Variants in TRAPPC8 observed in about 807,000 individuals in gnomAD.
The protein encoded by TRAPPC8 is general sporulation gene 1 homolog.
Under a neutral mutation model 174.3 loss-of-function variants are expected in TRAPPC8, and 54 were observed. That is an observed-to-expected ratio of 0.31 (90% CI 0.25 to 0.39). The LOEUF (loss-of-function observed/expected upper bound fraction) is 0.39. Among genes scored for constraint, TRAPPC8 ranks in the 10% least tolerant of loss-of-function variants. The probability of loss-of-function intolerance (pLI) is 1.00; values close to 1 mark genes in which losing one functional copy is unlikely to be tolerated. For missense variants in TRAPPC8, 1,531 were observed against 1,699.1 expected, an observed-to-expected ratio of 0.90 and a Z score of 1.74; for synonymous variants, 630 against 579.9, an observed-to-expected ratio of 1.09 and a Z score of -1.24.
intron 27 of TRAPPC8, among the ~76,000 whole-genome samples, chr18:31,837,791 G>A (rs939163144): frequency 8.6e-5 from 13 of 151,828 alleles, no homozygotes; most frequent in Non-Finnish European, 1.6e-4. Context: ...CTGGTATATC[G>A]AAACATACTC....
chr18:31,942,843 C>G lies in TRAPPC8; in HGVS notation c.-79G>C, dbSNP rs960484580. 5.6e-6 allele frequency: 7 copies of G among 1,261,132 alleles called. No homozygotes were observed. Among genetic ancestry groups the G allele is most frequent in the Non-Finnish European group, 7.0e-6 (7 of 1,001,484 alleles). 78.1% of individuals were successfully genotyped at this position (1,261,132 alleles called of 1,614,324 possible). ...ATCCTGCGGCTGCAGCAGCTACCGC[C>G]GCCGCCCGCCGGCCTGGCCCGGCCG... is the stretch of plus-strand genomic sequence containing the variant. On this transcript the variant is annotated 5_prime_UTR_variant, in exon 1 of 29. Transcript: ENST00000283351.
rs1364986964 is a variant in TRAPPC8 at position 31,830,138 on chromosome 18, G to C, written c.*617C>G. On this transcript the variant is annotated 3_prime_UTR_variant, in exon 29 of 29. Coordinates refer to ENST00000283351, the MANE Select transcript of TRAPPC8 (RefSeq NM_014939.5). ...GAAATAGCGCACTCTATACTGAGAT[G>C]AATGAGGGGAAAAAAGTCAAAACTC... 1.3e-5 allele frequency: 2 copies of C among 152,592 alleles called. No individual in the cohort carries two copies. The highest frequency in any genetic ancestry group is 4.8e-5 in the African/African-American group (2 of 41,430). The allele number at this position is 152,592 out of a possible 1,614,324, so 9.5% of individuals were successfully genotyped here. A position where few individuals can be genotyped will look rare whatever the true frequency, so the allele number is the denominator to read the frequency against.
intron 5 of TRAPPC8, among the ~76,000 whole-genome samples, chr18:31,911,073 G>A (rs902132388): frequency 1.3e-5 from 2 of 152,048 alleles, no homozygotes; most frequent in Non-Finnish European, 2.9e-5. Context: ...CCATTTATGA[G>A]ACAGAAAAAT....
At position 31,916,260 on chromosome 18, in the gene TRAPPC8, A is replaced by G; in HGVS notation, c.617+12T>C. 6.9e-7 allele frequency: 1 copy of G among 1,450,258 alleles called. No homozygotes were observed. Among genetic ancestry groups the G allele is most frequent in the East Asian group, 2.6e-5 (1 of 38,604 alleles). 89.8% of individuals were successfully genotyped at this position (1,450,258 alleles called of 1,614,324 possible). A position where few individuals can be genotyped will look rare whatever the true frequency, so the allele number is the denominator to read the frequency against. ...TAACTGGAAAAAATTTAAAACTAAAATAAAAACTTACCTCTGTTCATCTCC... is the reference window on the plus strand; with the variant it reads ...TAACTGGAAAAAATTTAAAACTAAAGTAAAAACTTACCTCTGTTCATCTCC... On this transcript the variant is annotated intron_variant, in intron 4 of 28. Coordinates refer to ENST00000283351, the MANE Select transcript of TRAPPC8 (RefSeq NM_014939.5).
In TRAPPC8 at chr18:31,844,244, A is replaced by C. The variant is rs567874340; in HGVS notation, c.3837+2472T>G. ...CACAAACACAGAAGTTGAATAAAAGAAGCCGAGGTATATATTGTATGACTA... is the reference window on the plus strand; with the variant it reads ...CACAAACACAGAAGTTGAATAAAAGCAGCCGAGGTATATATTGTATGACTA... On this transcript the variant is annotated intron_variant, in intron 26 of 28. Coordinates refer to ENST00000283351, the MANE Select transcript of TRAPPC8 (RefSeq NM_014939.5). The C allele has an allele frequency of 1.0e-3, 156 of 152,348 alleles. 1 individual carries two copies. The highest frequency in any genetic ancestry group is 3.7e-3 in the African/African-American group (152 of 41,588). 9.4% of individuals were successfully genotyped at this position (152,348 alleles called of 1,614,324 possible). A position where few individuals can be genotyped will look rare whatever the true frequency, so the allele number is the denominator to read the frequency against.
rs1243643164 is a variant in TRAPPC8, at chr18:31,864,638, G to T, written c.2734C>A (p.Pro912Thr). ...AAAAAGTGAAATACCTCCAACAGTG[G>T]CATTTCTTCTGTGATTATGGGATCT... The part of the protein sequence containing the change: ...RLDPIITEEM[P>T]LLEVFFIHFP... The change falls in exon 19 of 29, where the codon CCA (proline) becomes ACA (threonine). Residue 912 changes from proline to threonine, a missense_variant. By Grantham distance (38) the Pro-to-Thr change is conservative. Coordinates refer to ENST00000283351, the MANE Select transcript of TRAPPC8 (RefSeq NM_014939.5). 3 of 1,611,178 alleles carry T rather than the reference G, an allele frequency of 1.9e-6. No homozygotes were observed. The highest frequency in any genetic ancestry group is 2.5e-6 in the Non-Finnish European group (3 of 1,178,992).
At chr18:31,913,903 T>C (rs1190929326) in intron 4 of TRAPPC8, among the ~76,000 whole-genome samples, 1 of 151,886 alleles carries the variant, frequency 6.6e-6, no homozygotes, top group East Asian at 1.9e-4. Flanking sequence ...CTCAGCGTGG[T>C]GGCCATAATC....
intron 27 of TRAPPC8, chr18:31,832,569 T>C (rs993368511): frequency 1.3e-5 from 2 of 152,212 alleles, no homozygotes; most frequent in Non-Finnish European, 2.9e-5. Flanking sequence ...ATTACTTAAT[T>C]TTGAGAACTT....
intron 26 of TRAPPC8, 28 bp from the exon 27 acceptor site, chr18:31,839,485 C>T (rs1306588190): frequency 6.6e-7 from 1 of 1,517,812 alleles, no homozygotes; most frequent in Non-Finnish European, 8.8e-7. Context: ...AAACATATGA[C>T]AATAAAAACA....
rs920627341 is a variant in TRAPPC8, at chr18:31,843,457, T to C, written c.3837+3259A>G. 2.0e-5 allele frequency among the ~76,000 whole-genome samples: 3 copies of C among 152,232 alleles called. No individual in the cohort carries two copies. In the South Asian group the frequency reaches 6.2e-4, roughly 32 times the overall value. On this transcript the variant is annotated intron_variant, in intron 26 of 28. Coordinates refer to ENST00000283351, the MANE Select transcript of TRAPPC8 (RefSeq NM_014939.5). ...ATAATTTTGTGCACAGCATTCCCTA[T>C]ATTTATTCTTTATAAGGCAGAACAA...
At chr18:31,910,542 C>T (rs1254191258) in intron 5 of TRAPPC8, among the ~76,000 whole-genome samples, 2 of 152,226 alleles carry the variant, frequency 1.3e-5, no homozygotes, top group African/African-American at 4.8e-5. Flanking sequence ...AACATAGTCA[C>T]TCCCAAAGGA....
chr18:31,888,229 A>G (rs2035806314), intron 12 of TRAPPC8, among the ~76,000 whole-genome samples: 1 of 152,188 alleles, frequency 6.6e-6, no homozygotes, highest in East Asian at 1.9e-4. Flanking sequence ...TGGCAGTCAG[A>G]ATGGTGATTA....
In TRAPPC8 at chr18:31,852,453, T is replaced by C. The variant is rs2033761715; in HGVS notation, c.3554A>G (p.Asn1185Ser). The change falls in exon 24 of 29, where the codon AAT (asparagine) becomes AGT (serine). Residue 1185 changes from asparagine to serine, a missense_variant. Asn to Ser is a conservative substitution (Grantham distance 46). Coordinates refer to ENST00000283351, the MANE Select transcript of TRAPPC8 (RefSeq NM_014939.5). ...KYTFADIIFG[N>S]EQIISSASPC... is the part of the protein sequence containing the mutation. ...CTATGCTTACTTGCATACCTGTTCA[T>C]TTCCAAAGATGATATCTGCAAAGGT... is the stretch of plus-strand genomic sequence containing the variant. 3.1e-6 allele frequency: 5 copies of C among 1,614,018 alleles called. No individual in the cohort carries two copies. The highest frequency in any genetic ancestry group is 1.7e-5 in the Admixed American group (1 of 60,000).
chr18:31,929,815 A>G (rs950812644), intron 2 of TRAPPC8, among the ~76,000 whole-genome samples: 2 of 152,218 alleles, frequency 1.3e-5, no homozygotes, highest in Non-Finnish European at 2.9e-5. Flanking sequence ...GAGAAAAATA[A>G]CAGTTCAAAT....
chr18:31,857,952 G>T lies in TRAPPC8; in HGVS notation c.2776C>A (p.Leu926Ile). 6.2e-7 allele frequency: 1 copy of T among 1,612,774 alleles called. No homozygotes were observed. The highest frequency in any genetic ancestry group is 2.2e-5 in the East Asian group (1 of 44,868). ...TATGCTTTTCGGATTTCTCCACAGA[G>T]AAGCCCTGTAGGAAAATGTATAAAG... The part of the protein sequence containing the change: ...VFFIHFPTGL[L>I]CGEIRKAYVE... The change falls in exon 20 of 29, where the codon CTC (leucine) becomes ATC (isoleucine). Residue 926 changes from leucine to isoleucine, a missense_variant. By Grantham distance (5) the Leu-to-Ile change is conservative. Transcript: ENST00000283351.
chr18:31,935,428 C>A (rs1239620817), intron 1 of TRAPPC8, among the ~76,000 whole-genome samples: 2 of 147,800 alleles, frequency 1.4e-5, no homozygotes, highest in Non-Finnish European at 3.0e-5. Context: ...CACCCAGTGG[C>A]TCAAGCCAGC....
At chr18:31,847,231 G>A (rs971959437) in intron 25 of TRAPPC8, among the ~76,000 whole-genome samples, 33 of 152,162 alleles carry the variant, frequency 2.2e-4, no homozygotes, top group African/African-American at 8.0e-4. Flanking sequence ...CAAAATCAGT[G>A]AGTACAATCA....
chr18:31,861,590 T>C (rs1447534435), intron 19 of TRAPPC8, among the ~76,000 whole-genome samples: 1 of 152,192 alleles, frequency 6.6e-6, no homozygotes, highest in Non-Finnish European at 1.5e-5. Context: ...AAAAACCATC[T>C]GTACATTTAA....
intron 19 of TRAPPC8, among the ~76,000 whole-genome samples, chr18:31,864,245 T>C (rs1000135549): frequency 6.6e-6 from 1 of 151,804 alleles, no homozygotes; most frequent in Non-Finnish European, 1.5e-5. Flanking sequence ...AAGGTGAAGA[T>C]AGGAAGAAGG....
Sources: gnomAD v4.1 joint callset for allele counts (sites outside exome capture counted in the v4.1 genomes callset) on GRCh38, gnomAD v4.1.1 for gene constraint, MANE v1.5 for transcripts, NCBI Gene and HGNC (gene_info 2026-07-23, HGNC 2026-07-21) for gene names.